UGT1A4: variants seen among roughly 807,000 people sequenced by gnomAD.
The protein encoded by UGT1A4 is UDP glucuronosyltransferase family 1 member A4.
UGT1A4 carries 32 observed loss-of-function variants against 41.1 expected under a neutral mutation model. That is an observed-to-expected ratio of 0.78 (90% CI 0.59 to 1.05). UGT1A4 has a LOEUF of 1.05. UGT1A4 is among the 50% of genes least tolerant of loss of function. UGT1A4 has a pLI of 0.00. For missense variants in UGT1A4, 748 were observed against 677.4 expected, an observed-to-expected ratio of 1.10 and a Z score of -1.16; for synonymous variants, 283 against 265.1, an observed-to-expected ratio of 1.07 and a Z score of -0.66.
At chr2:233,756,656 A>G (rs934932092) in intron 1 of UGT1A4, among the ~76,000 whole-genome samples, 3 of 152,202 alleles carry the variant, frequency 2.0e-5, no homozygotes, top group Non-Finnish European at 4.4e-5. Flanking sequence ...CATGGGATGC[A>G]GTGATTATTT....
At chr2:233,758,574 A>G (rs1051442664) in intron 1 of UGT1A4, among the ~76,000 whole-genome samples, 1 of 152,190 alleles carries the variant, frequency 6.6e-6, no homozygotes, top group Non-Finnish European at 1.5e-5. Flanking sequence ...CTAAAAAATG[A>G]AGAGTGTTTG....
intron 1 of UGT1A4, among the ~76,000 whole-genome samples, chr2:233,753,816 G>A (rs1559398295): frequency 6.6e-6 from 1 of 152,164 alleles, no homozygotes; most frequent in Non-Finnish European, 1.5e-5. Flanking sequence ...GGAGAACCAC[G>A]TTAGGGCTGA....
intron 1 of UGT1A4, among the ~76,000 whole-genome samples, chr2:233,731,746 C>T (rs1439402729): frequency 6.6e-6 from 1 of 152,104 alleles, no homozygotes; most frequent in Non-Finnish European, 1.5e-5. Flanking sequence ...AATAAACATA[C>T]GTGTGCATGT....
chr2:233,749,815 C>T (rs1374657225), intron 1 of UGT1A4, among the ~76,000 whole-genome samples: 1 of 151,874 alleles, frequency 6.6e-6, no homozygotes, highest in African/African-American at 2.4e-5. Flanking sequence ...AGCTCTTCCT[C>T]TTTCTCTCTT....
chr2:233,768,083 C>A, intron 3 of UGT1A4, 137 bp from the exon 4 acceptor site: 1 of 1,591,312 alleles, frequency 6.3e-7, no homozygotes, highest in Non-Finnish European at 8.6e-7. Flanking sequence ...GGTATCTCAA[C>A]CCACATTTTC....
intron 1 of UGT1A4, chr2:233,755,107 C>A (rs952341644): frequency 1.5e-6 from 2 of 1,333,188 alleles, no homozygotes; most frequent in Non-Finnish European, 2.0e-6. Context: ...TCCGACAACA[C>A]CTCGTAGGCC....
Position 233,719,099 on chromosome 2 carries a change from G to A in UGT1A4, c.279G>A (p.Thr93=), listed in dbSNP as rs769526366. The A allele has an allele frequency of 2.4e-5, 39 of 1,614,126 alleles. No individual in the cohort carries two copies. The highest frequency in any genetic ancestry group is 2.0e-4 in the African/African-American group (15 of 74,948). Residue 93 remains threonine, a synonymous_variant, in exon 1 of 5, where the codon ACG becomes ACA. Transcript: ENST00000373409. ...PWTQKEFDRV[T]LGYTQGFFET... ...CCCAGAAGGAATTTGATCGCGTTAC[G>A]CTGGGCTACACTCAAGGGTTCTTTG...
At chr2:233,750,355 T>C (rs1376976328) in intron 1 of UGT1A4, among the ~76,000 whole-genome samples, 7 of 151,880 alleles carry the variant, frequency 4.6e-5, no homozygotes, top group African/African-American at 1.5e-4. Context: ...TTGGAACTTA[T>C]GTTTAAAAGG....
chr2:233,772,420 C>T lies in UGT1A4; in HGVS notation c.1466C>T (p.Ser489Phe), dbSNP rs72551360. ...GACCTCACCTGGTACCAGTACCATT[C>T]CTTGGACGTGATTGGTTTCCTCTTG... ...AHDLTWYQYHSLDVIGFLLAV... is the reference protein window; with the variant it reads ...AHDLTWYQYHFLDVIGFLLAV... Residue 489 changes from serine (S) to phenylalanine (F), a missense_variant, in exon 5 of 5, where the codon TCC becomes TTC. By Grantham distance (155) the Ser-to-Phe change is radical. Coordinates refer to ENST00000373409, the MANE Select transcript of UGT1A4 (RefSeq NM_007120.3). The T allele has an allele frequency of 2.3e-5, 37 of 1,614,120 alleles. No homozygotes were observed. Among genetic ancestry groups the T allele is most frequent in the African/African-American group, 8.0e-5 (6 of 74,942 alleles).
At chr2:233,760,765 G>A (rs764212365) in intron 1 of UGT1A4, 4 of 1,614,012 alleles carry the variant, frequency 2.5e-6, no homozygotes, top group Non-Finnish European at 3.4e-6. Flanking sequence ...CAGCCCCATC[G>A]TGGCCCAGTA....
intron 1 of UGT1A4, among the ~76,000 whole-genome samples, chr2:233,720,647 A>G (rs1240527051): frequency 6.6e-6 from 1 of 152,088 alleles, no homozygotes; most frequent in African/African-American, 2.4e-5. Flanking sequence ...CTGGGATGTG[A>G]AAAACCAAAT....
At chr2:233,729,970 G>A in intron 1 of UGT1A4, 4 of 1,614,030 alleles carry the variant, frequency 2.5e-6, no homozygotes, top group Non-Finnish European at 3.4e-6. Flanking sequence ...CATCAACTGT[G>A]CCAACAGGAA....
chr2:233,720,447 A>G lies in UGT1A4; in HGVS notation c.867+760A>G, dbSNP rs148666216. Among the ~76,000 whole-genome samples the G allele has an allele frequency of 8.6e-4, 131 of 152,258 alleles. 1 individual carries two copies. The highest frequency in any genetic ancestry group is 3.8e-4 in the Non-Finnish European group (26 of 68,020). On this transcript the variant is annotated intron_variant, in intron 1 of 4. Coordinates refer to ENST00000373409, the MANE Select transcript of UGT1A4 (RefSeq NM_007120.3). ...GATAAGACCGTGAATCTATAAGCCC[A>G]GTGAAGCTGGGACCAGTGATGAATG...
intron 1 of UGT1A4, among the ~76,000 whole-genome samples, chr2:233,752,133 G>T (rs1347949695): frequency 6.6e-6 from 1 of 152,170 alleles, no homozygotes; most frequent in African/African-American, 2.4e-5. Context: ...TGGACAGAAA[G>T]GATCATTCCC....
intron 1 of UGT1A4, among the ~76,000 whole-genome samples, chr2:233,727,384 C>T (rs1032238584): frequency 4.6e-5 from 7 of 152,144 alleles, no homozygotes; most frequent in Admixed American, 1.3e-4. Flanking sequence ...TGGAGTACCA[C>T]CGTCTTCCAA....
intron 1 of UGT1A4, among the ~76,000 whole-genome samples, chr2:233,732,331 T>C (rs2078260984): frequency 6.6e-6 from 1 of 152,256 alleles, no homozygotes; most frequent in Admixed American, 6.5e-5. Flanking sequence ...TTTGTTGCCA[T>C]TGCTTTTGGT....
At chr2:233,730,362 G>A (rs1205514330) in intron 1 of UGT1A4, among the ~76,000 whole-genome samples, 3 of 152,178 alleles carry the variant, frequency 2.0e-5, no homozygotes, top group Non-Finnish European at 4.4e-5. Context: ...TTTTTTGCTA[G>A]CATGATTTTC....
intron 1 of UGT1A4, among the ~76,000 whole-genome samples, chr2:233,738,020 A>G (rs1165451282): frequency 6.6e-6 from 1 of 152,034 alleles, no homozygotes; most frequent in African/African-American, 2.4e-5. Context: ...TTGAATTGTA[A>G]TCCCCATAAT....
intron 1 of UGT1A4, chr2:233,747,341 C>T: frequency 6.2e-7 from 1 of 1,603,526 alleles, no homozygotes; most frequent in Non-Finnish European, 8.5e-7. Flanking sequence ...CACTGGCTCG[C>T]ATGCGGGAGG....
Sources: gnomAD v4.1 joint callset for allele counts (sites outside exome capture counted in the v4.1 genomes callset) on GRCh38, gnomAD v4.1.1 for gene constraint, MANE v1.5 for transcripts, NCBI Gene and HGNC (gene_info 2026-07-23, HGNC 2026-07-21) for gene names.